ACTN1: variants seen among roughly 807,000 people sequenced by gnomAD.
ACTN1 encodes the protein actinin alpha 1, also known as alpha-actinin-1.
ACTN1 carries 30 observed loss-of-function variants against 119.6 expected under a neutral mutation model. The observed-to-expected ratio is 0.25, with a 90% CI of 0.19 to 0.34. The LOEUF (loss-of-function observed/expected upper bound fraction) is 0.34. Ranked by LOEUF, ACTN1 falls within the 10% of genes least tolerant of loss-of-function variation. The probability of loss-of-function intolerance (pLI) is 1.00; values close to 1 mark genes in which losing one functional copy is unlikely to be tolerated. For missense variants in ACTN1, 764 were observed against 1,223.4 expected (o/e 0.62, Z 5.60); for synonymous variants, 429 against 472.6 (o/e 0.91, Z 1.20).
At chr14:68,883,162 A>T in intron 14 of ACTN1, 107 bp from the exon 15 acceptor site, 1 of 1,192,992 alleles carries the variant, frequency 8.4e-7, no homozygotes, top group Non-Finnish European at 1.2e-6. Flanking sequence ...ACCAGGAGGC[A>T]TCAATTCAAA....
At chr14:68,945,943 C>A (rs1475669787) in intron 1 of ACTN1, among the ~76,000 whole-genome samples, 1 of 152,202 alleles carries the variant, frequency 6.6e-6, no homozygotes, top group Non-Finnish European at 1.5e-5. Context: ...ATCTTAACCA[C>A]CCCAGAAGGC....
At chr14:68,950,353 GCAA>G (rs2036097401) in intron 1 of ACTN1, among the ~76,000 whole-genome samples, 1 of 148,266 alleles carries the variant, frequency 6.7e-6, no homozygotes. Context: ...TGATGGTTAC[GCAA>G]CAACATACAT....
At position 68,881,141 on chromosome 14, in the gene ACTN1, C is replaced by T; in HGVS notation, c.1954-152G>A. On this transcript the variant is annotated intron_variant, in intron 16 of 21. Transcript: ENST00000394419. The stretch of plus-strand genomic sequence containing the variant: ...AGGCCATCACTGGTAATTAGTAAGA[C>T]ACTTTTAGCATGGGTGCTCTTAGGT... The T allele has an allele frequency of 7.6e-6, 5 of 658,562 alleles. No homozygotes were observed. In the South Asian group the frequency reaches 7.9e-5, roughly 10 times the overall value. 40.8% of individuals were successfully genotyped at this position (658,562 alleles called of 1,614,324 possible). A position where few individuals can be genotyped will look rare whatever the true frequency, so the allele number is the denominator to read the frequency against.
At chr14:68,973,319 G>A (rs1204022767) in intron 1 of ACTN1, among the ~76,000 whole-genome samples, 1 of 152,206 alleles carries the variant, frequency 6.6e-6, no homozygotes, top group Non-Finnish European at 1.5e-5. Context: ...TGTCGTGGGA[G>A]GGACCCGGTG....
intron 1 of ACTN1, among the ~76,000 whole-genome samples, chr14:68,946,537 G>A (rs759768110): frequency 5.9e-5 from 9 of 152,160 alleles, no homozygotes; most frequent in Non-Finnish European, 1.0e-4. Flanking sequence ...GGACTTCCAG[G>A]ACTCCACCAG....
chr14:68,926,926 A>T (rs1307571227), intron 1 of ACTN1, among the ~76,000 whole-genome samples: 1 of 152,240 alleles, frequency 6.6e-6, no homozygotes, highest in Non-Finnish European at 1.5e-5. Context: ...ACAGGGGGAC[A>T]GAAGCTATCC....
chr14:68,978,061 C>T (rs771705249), intron 1 of ACTN1: 1 of 455,792 alleles, frequency 2.2e-6, no homozygotes, highest in Non-Finnish European at 4.4e-6. Flanking sequence ...TCGCCAGCTC[C>T]GAGCCCAGCT....
At chr14:68,889,220 C>A (rs1319968707) in intron 11 of ACTN1, among the ~76,000 whole-genome samples, 1 of 152,176 alleles carries the variant, frequency 6.6e-6, no homozygotes, top group Non-Finnish European at 1.5e-5. Flanking sequence ...TAAGCAGACA[C>A]CAGACACGCC....
At chr14:68,876,663 G>T (rs2030934114) in intron 21 of ACTN1, among the ~76,000 whole-genome samples, 1 of 152,188 alleles carries the variant, frequency 6.6e-6, no homozygotes, top group Admixed American at 6.5e-5. Context: ...GAAAACACGA[G>T]AGACATGCTT....
chr14:68,924,865 T>A (rs1311104513), intron 2 of ACTN1, among the ~76,000 whole-genome samples: 5 of 152,216 alleles, frequency 3.3e-5, no homozygotes, highest in Admixed American at 1.3e-4. Context: ...AAAAGAGGTT[T>A]GCTAGGGCAG....
chr14:68,958,029 C>G (rs2036408852), intron 1 of ACTN1, among the ~76,000 whole-genome samples: 1 of 152,206 alleles, frequency 6.6e-6, no homozygotes, highest in Non-Finnish European at 1.5e-5. Context: ...GATTCCACCA[C>G]TTCTCACACC....
intron 8 of ACTN1, among the ~76,000 whole-genome samples, chr14:68,898,113 C>A (rs1245685440): frequency 2.0e-5 from 3 of 152,254 alleles, no homozygotes; most frequent in African/African-American, 7.2e-5. Flanking sequence ...CAGACCGCAG[C>A]CACTGCCGGC....
At chr14:68,944,761 G>T (rs995773216) in intron 1 of ACTN1, among the ~76,000 whole-genome samples, 1 of 152,018 alleles carries the variant, frequency 6.6e-6, no homozygotes, top group African/African-American at 2.4e-5. Context: ...ATGTGAAGGG[G>T]GCCCACATAA....
intron 1 of ACTN1, among the ~76,000 whole-genome samples, chr14:68,949,564 A>AGGTG (rs1292512229): frequency 6.6e-6 from 1 of 152,234 alleles, no homozygotes; most frequent in Non-Finnish European, 1.5e-5. Flanking sequence ...GAGAAGCACA[A>AGGTG]CCAGTAACAG....
chr14:68,888,127 G>T (rs143247298), intron 11 of ACTN1: 2 of 593,188 alleles, frequency 3.4e-6, no homozygotes, highest in Non-Finnish European at 6.3e-6. Context: ...TGCGGGCCGC[G>T]GCATGCTGAC....
At chr14:68,881,044 G>A in intron 16 of ACTN1, 55 bp from the exon 17 acceptor site, 7 of 1,578,224 alleles carry the variant, frequency 4.4e-6, no homozygotes, top group East Asian at 2.2e-5. Flanking sequence ...CTCCCATAGG[G>A]TGGGGACTGG....
intron 3 of ACTN1, among the ~76,000 whole-genome samples, chr14:68,917,292 C>T (rs917364221): frequency 2.0e-5 from 3 of 152,320 alleles, no homozygotes; most frequent in South Asian, 4.2e-4. Flanking sequence ...CCCAGAGCCC[C>T]GGCTCCATTT....
Position 68,883,019 on chromosome 14 carries a change from G to A in ACTN1, c.1672C>T (p.Leu558Phe). Residue 558 changes from leucine to phenylalanine, a missense_variant, in exon 15 of 22, where the codon CTC becomes TTC. This residue lies in a region of ACTN1 where 544 missense variants were observed against 912.0 expected (regional missense o/e 0.60). Transcript: ENST00000394419. ...AGGCGCTCCTTGTCGGCATCAGGGA[G>A]GGTGGCCTTGAACTGCTCATGGGCT... is the stretch of plus-strand genomic sequence containing the variant. ...TTAHEQFKAT[L>F]PDADKERLAI... The A allele has an allele frequency of 6.2e-7, 1 of 1,614,236 alleles. No homozygotes were observed. Among genetic ancestry groups the A allele is most frequent in the East Asian group, 2.2e-5 (1 of 44,888 alleles).
In ACTN1 at chr14:68,925,651, A is replaced by T. The variant is rs769375482; in HGVS notation, c.127T>A (p.Ser43Thr). Residue 43 changes from serine (S) to threonine (T), a missense_variant, in exon 2 of 22, where the codon TCC becomes ACC. Around this residue, in one of 4 missense-constraint regions of ACTN1, gnomAD observed 64 missense variants for 80.0 expected, o/e 0.80. Coordinates refer to ENST00000394419, the MANE Select transcript of ACTN1 (RefSeq NM_001130004.2). This position sits in a 1 kb window ranked among gnomAD's most constrained non-coding sequence, Gnocchi z 4.3. ...QRKTFTAWCN[S>T]HLRKAGTQIE... ...TGTGTCCCCGCCTTCCGGAGGTGGG[A>T]GTTACACCATGCCGTGAATGTCTGG... The T allele has an allele frequency of 6.2e-7, 1 of 1,612,868 alleles. No individual in the cohort carries two copies. The highest frequency in any genetic ancestry group is 8.5e-7 in the Non-Finnish European group (1 of 1,179,362).
Sources: allele counts gnomAD v4.1 joint callset (sites outside exome capture counted in the v4.1 genomes callset), GRCh38; gene constraint gnomAD v4.1.1; regional missense constraint gnomAD v4.1.1; non-coding constraint Gnocchi (gnomAD v3.1); transcripts MANE v1.5; gene names NCBI Gene and HGNC (gene_info 2026-07-23, HGNC 2026-07-21).